ARK2N: variants seen among roughly 807,000 people sequenced by gnomAD.
ARK2N encodes the protein protein ARK2N.
At chr18:46,259,690 C>T in the ARK2N span, among the ~76,000 whole-genome samples, 98,905 of 151,280 alleles carry the variant, frequency 0.65, 33,687 homozygotes, top group Non-Finnish European at 0.75. Flanking sequence ...ACTGCAGCCT[C>T]GACCGCCAAG....
the ARK2N span, among the ~76,000 whole-genome samples, chr18:46,259,432 C>T: frequency 6.5e-4 from 99 of 151,768 alleles, 1 homozygote; most frequent in East Asian, 0.015. Flanking sequence ...TTAGTAGAGA[C>T]GGGGTTTCAC....
the ARK2N span, among the ~76,000 whole-genome samples, chr18:46,205,217 G>C: frequency 6.6e-6 from 1 of 152,116 alleles, no homozygotes; most frequent in Admixed American, 6.5e-5. Flanking sequence ...CTATTCATTT[G>C]TTTTAATGGG....
chr18:46,232,698 A>G, the ARK2N span: 2 of 152,298 alleles, frequency 1.3e-5, no homozygotes, highest in Non-Finnish European at 2.9e-5. Context: ...TATTGAGTAG[A>G]TATTCTCATG....
chr18:46,200,951 C>T, the ARK2N span, among the ~76,000 whole-genome samples: 1 of 150,104 alleles, frequency 6.7e-6, no homozygotes, highest in Admixed American at 6.7e-5. Flanking sequence ...GGCACTACTA[C>T]GATTTTGATT....
chr18:46,255,927 A>T, the ARK2N span, among the ~76,000 whole-genome samples: 1 of 152,174 alleles, frequency 6.6e-6, no homozygotes, highest in Non-Finnish European at 1.5e-5. Context: ...TGAGAAAGCT[A>T]GAACTACTGA....
the ARK2N span, chr18:46,219,201 T>G: frequency 6.6e-6 from 1 of 152,190 alleles, no homozygotes; most frequent in African/African-American, 2.4e-5. Context: ...AACAGATGTT[T>G]ATGACGATTT....
the ARK2N span, among the ~76,000 whole-genome samples, chr18:46,260,669 A>T: frequency 4.7e-4 from 72 of 152,274 alleles, no homozygotes; most frequent in South Asian, 0.015. Flanking sequence ...TTCTTTTCCT[A>T]TGCCAGACAC....
the ARK2N span, among the ~76,000 whole-genome samples, chr18:46,258,330 G>A: frequency 5.9e-5 from 9 of 152,262 alleles, no homozygotes; most frequent in Admixed American, 4.6e-4. Flanking sequence ...AAGTAGAAAT[G>A]TTATCTAAGA....
At chr18:46,194,969 T>C in the ARK2N span, among the ~76,000 whole-genome samples, 1 of 151,354 alleles carries the variant, frequency 6.6e-6, no homozygotes, top group African/African-American at 2.4e-5. Flanking sequence ...CCTGGCTAAT[T>C]TTTTGTAGTT....
At chr18:46,205,457 A>G in the ARK2N span, among the ~76,000 whole-genome samples, 1 of 152,222 alleles carries the variant, frequency 6.6e-6, no homozygotes, top group South Asian at 2.1e-4. Flanking sequence ...TTAACAATCA[A>G]AAAAGCGCAT....
At chr18:46,211,382 A>G in the ARK2N span, among the ~76,000 whole-genome samples, 3 of 151,994 alleles carry the variant, frequency 2.0e-5, no homozygotes, top group African/African-American at 7.3e-5. Context: ...TAAATTTTAA[A>G]TTTTTTGTAG....
chr18:46,187,292 G>A, the ARK2N span, among the ~76,000 whole-genome samples: 4 of 149,410 alleles, frequency 2.7e-5, no homozygotes, highest in Non-Finnish European at 4.4e-5. Context: ...ATGAAAAAAC[G>A]AACAAACAAA....
At chr18:46,204,607 G>A in the ARK2N span, among the ~76,000 whole-genome samples, 2,164 of 152,304 alleles carry the variant, frequency 0.014, 60 homozygotes, top group African/African-American at 0.049. Flanking sequence ...CATGTAGACC[G>A]TATTTGAGGC....
the ARK2N span, among the ~76,000 whole-genome samples, chr18:46,202,703 G>A: frequency 1.3e-5 from 2 of 151,258 alleles, no homozygotes; most frequent in African/African-American, 2.4e-5. Context: ...GAGGAGAATC[G>A]CTTGAACCCG....
chr18:46,225,819 A>G, the ARK2N span, among the ~76,000 whole-genome samples: 1 of 152,132 alleles, frequency 6.6e-6, no homozygotes, highest in Non-Finnish European at 1.5e-5. Flanking sequence ...TTAGGTATTC[A>G]CAACAGAAAG....
the ARK2N span, among the ~76,000 whole-genome samples, chr18:46,219,712 C>T: frequency 1.3e-5 from 2 of 152,048 alleles, no homozygotes; most frequent in African/African-American, 4.8e-5. Flanking sequence ...CCTTGTGATC[C>T]GCTTGCCTTG....
the ARK2N span, chr18:46,266,932 C>G: frequency 6.7e-6 from 1 of 149,982 alleles, no homozygotes; most frequent in Non-Finnish European, 1.5e-5. Context: ...TGAAATAAGT[C>G]TGTAGCATAA....
the ARK2N span, among the ~76,000 whole-genome samples, chr18:46,219,670 C>T: frequency 2.0e-5 from 3 of 152,070 alleles, no homozygotes; most frequent in Non-Finnish European, 2.9e-5. Flanking sequence ...CGGGGTTTCA[C>T]CATGTTGGCC....
the ARK2N span, among the ~76,000 whole-genome samples, chr18:46,237,706 T>C: frequency 1.3e-5 from 2 of 152,140 alleles, no homozygotes; most frequent in African/African-American, 2.4e-5. Context: ...TTTAAACAAA[T>C]CTTACTTAAT....
Sources: gnomAD v4.1 joint callset for allele counts (sites outside exome capture counted in the v4.1 genomes callset) on GRCh38, gnomAD v4.1.1 for gene constraint, MANE v1.5 for transcripts, NCBI Gene and HGNC (gene_info 2026-07-23, HGNC 2026-07-21) for gene names.